Variants in CRAMP1 observed in about 807,000 individuals in gnomAD.
The protein encoded by CRAMP1 is protein cramped-like.
CRAMP1 carries 50 observed loss-of-function variants against 115.4 expected under a neutral mutation model. The observed-to-expected ratio is 0.43, with a 90% CI of 0.35 to 0.55. The LOEUF (loss-of-function observed/expected upper bound fraction) is 0.55, where lower values mean the gene tolerates loss of function less well. Among genes scored for constraint, CRAMP1 ranks in the 20% least tolerant of loss-of-function variants. The pLI, the probability that CRAMP1 is intolerant of heterozygous loss-of-function variation, is 0.01. For missense variants in CRAMP1, 1,679 were observed against 1,721.7 expected (o/e 0.98, Z 0.44); for synonymous variants, 866 against 745.4 (o/e 1.16, Z -2.64).
intron 17 of CRAMP1, 46 bp from the exon 18 acceptor site, chr16:1,667,916 T>G: frequency 7.8e-7 from 1 of 1,274,916 alleles, no homozygotes; most frequent in Non-Finnish European, 1.1e-6. Flanking sequence ...TTGTCATGGG[T>G]TCTGATAGAC....
Position 1,676,430 on chromosome 16 carries a change from CAATG to C in CRAMP1, c.*2386_*2389del, listed in dbSNP as rs1300922629. On this transcript the variant is annotated 3_prime_UTR_variant, in exon 21 of 21. Transcript: ENST00000397412. ...AATGGTGTCATTTGTTGCAGAAAAA[CAATG>C]GATACATTTTCTTCTGGCCTAAATG... 7 of 152,380 alleles carry C rather than the reference CAATG, an allele frequency of 4.6e-5. No homozygotes were observed. The South Asian group carries it at 8.3e-4, about 18-fold the overall frequency. The allele number at this position is 152,380 out of a possible 1,614,324, so 9.4% of individuals were successfully genotyped here. A position where few individuals can be genotyped will look rare whatever the true frequency, so the allele number is the denominator to read the frequency against.
At chr16:1,629,403 G>C (rs1209733936) in intron 3 of CRAMP1, among the ~76,000 whole-genome samples, 2 of 152,168 alleles carry the variant, frequency 1.3e-5, no homozygotes, top group Admixed American at 6.5e-5. Flanking sequence ...CCCATCTTTT[G>C]TTCTCATTGC....
At chr16:1,659,086 A>G (rs2036801438) in intron 10 of CRAMP1, among the ~76,000 whole-genome samples, 1 of 152,162 alleles carries the variant, frequency 6.6e-6, no homozygotes, top group Non-Finnish European at 1.5e-5. Flanking sequence ...GTTGGGCTTC[A>G]TCCCTGCAGA....
intron 4 of CRAMP1, among the ~76,000 whole-genome samples, chr16:1,634,344 A>G (rs1023395279): frequency 7.9e-5 from 12 of 152,246 alleles, no homozygotes; most frequent in Non-Finnish European, 2.9e-5. Context: ...TTCAGAAGGC[A>G]GTCAAAGCAA....
chr16:1,662,629 A>G lies in CRAMP1; in HGVS notation c.2553A>G (p.Lys851=), dbSNP rs1316130793. The G allele has an allele frequency of 5.0e-6, 8 of 1,614,016 alleles. No homozygotes were observed. The highest frequency in any genetic ancestry group is 6.8e-6 in the Non-Finnish European group (8 of 1,179,886). ...SRHGKLFSPS[K]EAELTFRQHL... ...ACGGGAAGCTCTTCTCTCCCAGTAA[A>G]GAAGCAGAGCTGACTTTCCGCCAGC... Residue 851 remains lysine (K), a synonymous_variant, in exon 12 of 21, where the codon AAA becomes AAG. Coordinates refer to ENST00000397412, the MANE Select transcript of CRAMP1 (RefSeq NM_020825.4).
At chr16:1,643,957 T>C (rs192782226) in intron 6 of CRAMP1, among the ~76,000 whole-genome samples, 393 of 152,348 alleles carry the variant, frequency 2.6e-3, no homozygotes, top group African/African-American at 9.1e-3. Context: ...TTGATTGTCC[T>C]TTTTCTTAAG....
At chr16:1,626,625 T>A (rs1438181051) in intron 3 of CRAMP1, among the ~76,000 whole-genome samples, 1 of 151,924 alleles carries the variant, frequency 6.6e-6, no homozygotes, top group Non-Finnish European at 1.5e-5. Context: ...AAATGGAAAG[T>A]CCTAAAAATA....
intron 17 of CRAMP1, among the ~76,000 whole-genome samples, chr16:1,667,741 G>A (rs1036511194): frequency 6.6e-6 from 1 of 152,154 alleles, no homozygotes; most frequent in Non-Finnish European, 1.5e-5. Flanking sequence ...GTCAAAGCAG[G>A]TCCAGGCCAC....
At chr16:1,619,338 A>G (rs12597950) in intron 2 of CRAMP1, among the ~76,000 whole-genome samples, 24,062 of 152,020 alleles carry the variant, frequency 0.16, 2,761 homozygotes, top group African/African-American at 0.3. Context: ...ATGCTGCTAC[A>G]CCCGACTAAT....
At position 1,614,381 on chromosome 16, in the gene CRAMP1, G is replaced by C. The variant is rs868765264; in HGVS notation, c.-1-258G>C. 1.4e-5 allele frequency among the ~76,000 whole-genome samples: 2 copies of C among 144,670 alleles called. No homozygotes were observed. Among genetic ancestry groups the C allele is most frequent in the African/African-American group, 2.5e-5 (1 of 40,364 alleles). 94.9% of individuals were successfully genotyped at this position (144,670 alleles called of 152,430 possible). ...TGTCGCGCCCTCCCGCCGCCGGCCC[G>C]GGCGTCTGGACGCGAGCCTCGGCCA... On this transcript the variant is annotated intron_variant, in intron 1 of 20. Coordinates refer to ENST00000397412, the MANE Select transcript of CRAMP1 (RefSeq NM_020825.4). The surrounding 1 kb of genome is among the most constrained non-coding windows in gnomAD (Gnocchi z 4.4).
intron 6 of CRAMP1, among the ~76,000 whole-genome samples, chr16:1,645,767 C>T (rs2036669445): frequency 1.3e-5 from 2 of 152,218 alleles, no homozygotes; most frequent in Admixed American, 1.3e-4. Flanking sequence ...TCTAGCTGCA[C>T]CTTTCCCGGA....
At chr16:1,658,074 C>T (rs1263756796) in intron 10 of CRAMP1, among the ~76,000 whole-genome samples, 3 of 152,240 alleles carry the variant, frequency 2.0e-5, no homozygotes, top group East Asian at 1.9e-4. Flanking sequence ...GCATTCCCCA[C>T]GCCTCCCGCT....
intron 2 of CRAMP1, among the ~76,000 whole-genome samples, chr16:1,615,702 C>T (rs2036412975): frequency 6.6e-6 from 1 of 152,200 alleles, no homozygotes; most frequent in South Asian, 2.1e-4. Context: ...TTTCGTTCTC[C>T]ATGTGCCAGT....
At chr16:1,670,541 T>C (rs1475338465) in intron 19 of CRAMP1, 123 bp from the exon 20 acceptor site, 3 of 1,033,630 alleles carry the variant, frequency 2.9e-6, no homozygotes, top group Non-Finnish European at 4.3e-6. Context: ...CGCACAAGTC[T>C]GGATTGGGGC....
At chr16:1,625,632 A>G (rs2036501886) in intron 2 of CRAMP1, 1 of 192,588 alleles carries the variant, frequency 5.2e-6, no homozygotes, top group South Asian at 1.7e-4. Context: ...ATGAAATGTG[A>G]TGTGAGGCTT....
chr16:1,670,240 G>A (rs1333837505), intron 19 of CRAMP1, among the ~76,000 whole-genome samples: 1 of 151,714 alleles, frequency 6.6e-6, no homozygotes, highest in Non-Finnish European at 1.5e-5. Flanking sequence ...CTGCAGCCTG[G>A]GCAAGAGCGA....
At chr16:1,667,874 C>T (rs2036889457) in intron 17 of CRAMP1, 88 bp from the exon 18 acceptor site, 3 of 813,738 alleles carry the variant, frequency 3.7e-6, no homozygotes, top group Non-Finnish European at 4.0e-6. Context: ...GATTTGCCTG[C>T]AAGCTAGGAG....
rs564778798 is a variant in CRAMP1 at position 1,627,591 on chromosome 16, C to T, written c.540+1425C>T. ...GTACGGTGCATGCTGTGGCCAGGGT[C>T]GCTCCCGCCCTGGGCTGCAGGTTAG... On this transcript the variant is annotated intron_variant, in intron 3 of 20. Transcript: ENST00000397412. 3.3e-5 allele frequency among the ~76,000 whole-genome samples: 5 copies of T among 152,270 alleles called. No individual in the cohort carries two copies. In the South Asian group the frequency reaches 8.3e-4, roughly 25 times the overall value.
At chr16:1,625,728 C>T (rs2036502605) in intron 2 of CRAMP1, 3 of 437,010 alleles carry the variant, frequency 6.9e-6, no homozygotes, top group East Asian at 4.3e-5. Flanking sequence ...CATGGTTCCA[C>T]ATAAAATCTT....
Sources: allele counts gnomAD v4.1 joint callset (sites outside exome capture counted in the v4.1 genomes callset), GRCh38; gene constraint gnomAD v4.1.1; non-coding constraint Gnocchi (gnomAD v3.1); transcripts MANE v1.5; gene names NCBI Gene and HGNC (gene_info 2026-07-23, HGNC 2026-07-21).